The following TCEA1 variants were observed in gnomAD, a reference collection of about 807,000 sequenced individuals.
TCEA1 encodes the protein transcription elongation factor A protein 1.
TCEA1 carries 21 observed loss-of-function variants against 43.8 expected under a neutral mutation model. The ratio of observed to expected loss-of-function variants is 0.48; its 90% CI spans 0.34 to 0.69. TCEA1 has a LOEUF of 0.69. TCEA1 is among the 30% of genes least tolerant of loss of function. The probability of loss-of-function intolerance (pLI) is 0.01; values close to 1 mark genes in which losing one functional copy is unlikely to be tolerated. For missense variants in TCEA1, 250 were observed against 365.1 expected, an observed-to-expected ratio of 0.68 and a Z score of 2.57; for synonymous variants, 104 against 117.5, an observed-to-expected ratio of 0.88 and a Z score of 0.75.
At chr8:53,974,966 G>T (rs1428769806) in intron 8 of TCEA1, among the ~76,000 whole-genome samples, 1 of 152,020 alleles carries the variant, frequency 6.6e-6, no homozygotes, top group Admixed American at 6.5e-5. Flanking sequence ...GCAGGAGGCA[G>T]ATTTAAATAG....
At chr8:54,010,708 C>T (rs1804624987) in intron 1 of TCEA1, among the ~76,000 whole-genome samples, 1 of 152,242 alleles carries the variant, frequency 6.6e-6, no homozygotes, top group East Asian at 1.9e-4. Flanking sequence ...CATTCTATTT[C>T]ATTTAGTCTA....
chr8:53,982,979 T>G (rs985591508), intron 7 of TCEA1, among the ~76,000 whole-genome samples: 1 of 152,222 alleles, frequency 6.6e-6, no homozygotes, highest in Non-Finnish European at 1.5e-5. Context: ...TCATGAATAT[T>G]TGCTCCATCA....
chr8:53,982,389 C>T (rs1186802719), intron 7 of TCEA1, among the ~76,000 whole-genome samples: 1 of 151,930 alleles, frequency 6.6e-6, no homozygotes, highest in Non-Finnish European at 1.5e-5. Flanking sequence ...GGGTGGATCA[C>T]CTGAGGTCAG....
intron 8 of TCEA1, chr8:53,972,637 G>T (rs1035579186): frequency 1.6e-6 from 1 of 609,328 alleles, no homozygotes; most frequent in Non-Finnish European, 3.2e-6. Context: ...GGAAAGGAGA[G>T]GGTGAAGGAA....
chr8:54,015,251 C>A (rs1302028507), intron 1 of TCEA1, among the ~76,000 whole-genome samples: 1 of 151,732 alleles, frequency 6.6e-6, no homozygotes, highest in Admixed American at 6.6e-5. Flanking sequence ...TTCGCTGCAA[C>A]CTCTACCTCC....
chr8:53,980,368 C>T (rs2129301011), intron 7 of TCEA1, among the ~76,000 whole-genome samples: 1 of 152,274 alleles, frequency 6.6e-6, no homozygotes, highest in East Asian at 1.9e-4. Flanking sequence ...TTTTATTGCA[C>T]TTTGCAGTTA....
intron 2 of TCEA1, among the ~76,000 whole-genome samples, chr8:54,007,504 C>T (rs1180933432): frequency 6.6e-6 from 1 of 152,096 alleles, no homozygotes. Context: ...ACATTAAGAC[C>T]TAGCATAAGG....
chr8:53,996,918 T>TTTTTTTTTTTTTTTTTTG (rs1471902060), intron 3 of TCEA1, among the ~76,000 whole-genome samples: 2 of 149,100 alleles, frequency 1.3e-5, no homozygotes, highest in African/African-American at 2.5e-5. Flanking sequence ...TTTTTTTTTT[T>TTTTTTTTTTTTTTTTTTG]AGACAGACTC....
intron 8 of TCEA1, chr8:53,972,604 T>A (rs1400532065): frequency 1.7e-6 from 1 of 574,994 alleles, no homozygotes; most frequent in Non-Finnish European, 3.4e-6. Flanking sequence ...ATATTTCCTG[T>A]AAAAATATAT....
Position 54,022,084 on chromosome 8 carries a change from C to G in TCEA1, c.42G>C (p.Lys14Asn). ...TCACCGCGTTCTTCTTCTGCACCAT[C>G]TTGTCCATCTTCTTGGCAAAGCGGA... is the stretch of plus-strand genomic sequence containing the variant. Reference protein sequence around the residue: ...EVVRFAKKMDKMVQKKNAAGA... With the variant: ...EVVRFAKKMDNMVQKKNAAGA... The change falls in exon 1 of 10, where the codon AAG (lysine) becomes AAC (asparagine). Residue 14 changes from lysine (K) to asparagine (N), a missense_variant. Physicochemically the swap from Lys to Asn is moderately conservative, Grantham distance 94. Around this residue, in one of 4 missense-constraint regions of TCEA1, gnomAD observed 30 missense variants for 31.8 expected, o/e 0.94. Coordinates refer to ENST00000521604, the MANE Select transcript of TCEA1 (RefSeq NM_006756.4). 5 of 1,600,338 alleles carry G rather than the reference C, an allele frequency of 3.1e-6. No homozygotes were observed. Among genetic ancestry groups the G allele is most frequent in the Non-Finnish European group, 4.3e-6 (5 of 1,173,552 alleles).
chr8:53,997,656 G>A (rs1804103061), intron 3 of TCEA1, among the ~76,000 whole-genome samples: 1 of 152,228 alleles, frequency 6.6e-6, no homozygotes, highest in Admixed American at 6.5e-5. Context: ...CTAACACTTT[G>A]GGAGGCCAAG....
In TCEA1 at chr8:54,012,087, T is replaced by C. The variant is rs142437189; in HGVS notation, c.64-1595A>G. Among the ~76,000 whole-genome samples, 222 of 152,326 alleles carry C rather than the reference T, an allele frequency of 1.5e-3. 1 individual carries two copies. Among genetic ancestry groups the C allele is most frequent in the African/African-American group, 5.0e-3 (209 of 41,562 alleles). On this transcript the variant is annotated intron_variant, in intron 1 of 9. Transcript: ENST00000521604. ...AACAAGCATTTCTACAGGTATGACA[T>C]TGTTGTGAGTAAATGAAGTCTTCGA...
At chr8:54,011,580 T>C (rs1804654273) in intron 1 of TCEA1, among the ~76,000 whole-genome samples, 1 of 152,218 alleles carries the variant, frequency 6.6e-6, no homozygotes, top group Non-Finnish European at 1.5e-5. Context: ...TCCTGCTTTC[T>C]AAAATGTTTA....
intron 8 of TCEA1, chr8:53,972,641 G>A (rs995935875): frequency 1.6e-6 from 1 of 611,506 alleles, no homozygotes; most frequent in African/African-American, 1.8e-5. Context: ...AGGAGAGGGT[G>A]AAGGAAGAGC....
intron 2 of TCEA1, among the ~76,000 whole-genome samples, chr8:54,001,074 T>C (rs1804240931): frequency 6.6e-6 from 1 of 152,184 alleles, no homozygotes; most frequent in Non-Finnish European, 1.5e-5. Flanking sequence ...GGGATTTTAA[T>C]CCAGGTTTGT....
intron 3 of TCEA1, among the ~76,000 whole-genome samples, chr8:53,994,595 A>G (rs1429483054): frequency 1.3e-5 from 2 of 152,144 alleles, no homozygotes; most frequent in African/African-American, 4.8e-5. Context: ...GCGGCCAGGC[A>G]CAGTGGTTCA....
chr8:53,999,024 C>G (rs367761427), intron 3 of TCEA1, among the ~76,000 whole-genome samples: 3 of 151,946 alleles, frequency 2.0e-5, no homozygotes, highest in East Asian at 1.9e-4. Flanking sequence ...GTCAGGTGAT[C>G]GAGACCACCC....
intron 1 of TCEA1, among the ~76,000 whole-genome samples, chr8:54,018,541 C>T (rs1247704534): frequency 6.6e-6 from 1 of 152,142 alleles, no homozygotes; most frequent in Non-Finnish European, 1.5e-5. Context: ...AATCACACAG[C>T]TAAAGTTCAG....
In TCEA1 at chr8:54,015,883, T is replaced by A. The variant is rs184709479; in HGVS notation, c.64-5391A>T. Among the ~76,000 whole-genome samples, 205 of 152,318 alleles carry A rather than the reference T, an allele frequency of 1.3e-3. 2 individuals are homozygous for A. Among genetic ancestry groups the A allele is most frequent in the Non-Finnish European group, 2.6e-3 (176 of 68,026 alleles). ...GGCAAAGGATCTGAATAGACATTTA[T>A]TTCTCCATAGAAGATATGCAAATGG... On this transcript the variant is annotated intron_variant, in intron 1 of 9. Coordinates refer to ENST00000521604, the MANE Select transcript of TCEA1 (RefSeq NM_006756.4).
Sources: allele counts gnomAD v4.1 joint callset (sites outside exome capture counted in the v4.1 genomes callset), GRCh38; gene constraint gnomAD v4.1.1; regional missense constraint gnomAD v4.1.1; transcripts MANE v1.5; gene names NCBI Gene and HGNC (gene_info 2026-07-23, HGNC 2026-07-21).